CEP126: variants seen among roughly 807,000 people sequenced by gnomAD.
The protein encoded by CEP126 is centrosomal protein of 126 kDa.
In CEP126, 74 loss-of-function variants were observed where a neutral mutation model predicts 107.8. That is an observed-to-expected ratio of 0.69 (90% confidence interval 0.57 to 0.83). The LOEUF (loss-of-function observed/expected upper bound fraction) is 0.83, where lower values mean the gene tolerates loss of function less well. Ranked by LOEUF, CEP126 falls within the 40% of genes least tolerant of loss-of-function variation. CEP126 has a pLI of 0.00. For missense variants in CEP126, 1,237 were observed against 1,281.9 expected (o/e 0.96, Z 0.53); for synonymous variants, 449 against 446.0 (o/e 1.01, Z -0.08).
intron 7 of CEP126, among the ~76,000 whole-genome samples, chr11:101,979,270 T>G (rs1345198164): frequency 6.6e-6 from 1 of 152,100 alleles, no homozygotes; most frequent in Non-Finnish European, 1.5e-5. Context: ...CAAGGGAAAT[T>G]GATAATGATG....
chr11:101,998,952 A>G lies in CEP126; in HGVS notation c.*1309A>G, dbSNP rs1209684422. Reference sequence around the variant, plus strand: ...TTTCTGCCACACCATGTTAGTAGAAATGGAAACTATTGGATGAAATGAGGA... The same window carrying G: ...TTTCTGCCACACCATGTTAGTAGAAGTGGAAACTATTGGATGAAATGAGGA... On this transcript the variant is annotated 3_prime_UTR_variant, in exon 11 of 11. Transcript: ENST00000263468. The G allele has an allele frequency of 6.6e-6, 1 of 152,194 alleles. No individual in the cohort carries two copies. Among genetic ancestry groups the G allele is most frequent in the African/African-American group, 2.4e-5 (1 of 41,448 alleles). 9.4% of individuals were successfully genotyped at this position (152,194 alleles called of 1,614,324 possible).
At chr11:101,919,883 A>G (rs2137076600) in intron 1 of CEP126, among the ~76,000 whole-genome samples, 1 of 152,300 alleles carries the variant, frequency 6.6e-6, no homozygotes, top group Admixed American at 6.5e-5. Flanking sequence ...GTGCACCCTG[A>G]AAGGAAGTTG....
intron 10 of CEP126, among the ~76,000 whole-genome samples, chr11:101,996,803 C>T (rs139555646): frequency 1.6e-4 from 25 of 152,038 alleles, no homozygotes; most frequent in African/African-American, 4.8e-4. Context: ...GCTAATGTTC[C>T]CATAGGTTTC....
At position 101,963,796 on chromosome 11, in the gene CEP126, G is replaced by A. The variant is rs1336103714; in HGVS notation, c.2761G>A (p.Val921Met). ...SPVCEESYPS[V>M]TLRTAEEESV... ...TGTTTGTGAAGAAAGTTATCCGTCTGTGACTCTAAGAACTGCTGAAGAAGA... is the reference window on the plus strand; with the variant it reads ...TGTTTGTGAAGAAAGTTATCCGTCTATGACTCTAAGAACTGCTGAAGAAGA... The change falls in exon 6 of 11, where the codon GTG (valine) becomes ATG (methionine). Residue 921 changes from valine to methionine, a missense_variant. Physicochemically the swap from Val to Met is conservative, Grantham distance 21. Transcript: ENST00000263468. The A allele has an allele frequency of 6.2e-7, 1 of 1,614,018 alleles. No individual in the cohort carries two copies. Among genetic ancestry groups the A allele is most frequent in the Non-Finnish European group, 8.5e-7 (1 of 1,180,014 alleles).
chr11:101,985,897 C>T (rs1328034652), intron 8 of CEP126, among the ~76,000 whole-genome samples: 1 of 151,174 alleles, frequency 6.6e-6, no homozygotes, highest in Admixed American at 6.6e-5. Context: ...TCATTTTCTT[C>T]TGCTTTAATT....
chr11:101,926,180 C>T (rs1429093166), intron 2 of CEP126, among the ~76,000 whole-genome samples: 1 of 152,082 alleles, frequency 6.6e-6, no homozygotes, highest in East Asian at 1.9e-4. Context: ...ACTACAATAG[C>T]ATCACTTACG....
intron 2 of CEP126, among the ~76,000 whole-genome samples, chr11:101,928,326 T>C (rs1431518058): frequency 6.6e-6 from 1 of 152,206 alleles, no homozygotes; most frequent in East Asian, 1.9e-4. Context: ...TTTTCCATCT[T>C]CTTCATAGAG....
intron 6 of CEP126, among the ~76,000 whole-genome samples, chr11:101,972,283 G>C (rs141888770): frequency 6.6e-6 from 1 of 151,526 alleles, no homozygotes; most frequent in Non-Finnish European, 1.5e-5. Context: ...AAAATTAGCC[G>C]GGCGTGGTAG....
rs1940922250 is a variant in CEP126 at position 101,958,034 on chromosome 11, A to G, written c.507-134A>G. 6.7e-6 allele frequency: 5 copies of G among 741,228 alleles called. No individual in the cohort carries two copies. In the Admixed American group the frequency reaches 9.5e-5, roughly 14 times the overall value. 45.9% of individuals were successfully genotyped at this position (741,228 alleles called of 1,614,324 possible). On this transcript the variant is annotated intron_variant, in intron 4 of 10. Coordinates refer to ENST00000263468, the MANE Select transcript of CEP126 (RefSeq NM_020802.4). ...AATTCTCATTCTAACATGTCTATAT[A>G]TTTCTCCAATATCCTTATATGTGGT...
chr11:101,978,664 G>T (rs1324439542), intron 7 of CEP126, among the ~76,000 whole-genome samples: 1 of 152,110 alleles, frequency 6.6e-6, no homozygotes, highest in Non-Finnish European at 1.5e-5. Flanking sequence ...TGTATAATCA[G>T]TTACTAATGA....
chr11:101,955,922 C>T (rs951454664), intron 4 of CEP126: 12 of 456,282 alleles, frequency 2.6e-5, no homozygotes, highest in African/African-American at 8.0e-5. Context: ...TTCTCCTGCC[C>T]GCCAGCCCCA....
intron 2 of CEP126, among the ~76,000 whole-genome samples, chr11:101,942,055 G>A (rs1242190142): frequency 6.6e-6 from 1 of 151,948 alleles, no homozygotes; most frequent in Non-Finnish European, 1.5e-5. Flanking sequence ...ATATGTGATT[G>A]GAAATATTTT....
intron 4 of CEP126, chr11:101,956,564 T>C: frequency 2.2e-6 from 1 of 456,476 alleles, no homozygotes; most frequent in Non-Finnish European, 4.4e-6. Context: ...CACATCCTTT[T>C]CTTCAGCCTG....
intron 2 of CEP126, among the ~76,000 whole-genome samples, chr11:101,939,635 A>T (rs954781859): frequency 6.6e-6 from 1 of 152,238 alleles, no homozygotes; most frequent in Non-Finnish European, 1.5e-5. Context: ...TTGTTAATTC[A>T]TGTTGCCTGT....
intron 8 of CEP126, among the ~76,000 whole-genome samples, chr11:101,985,988 ATTTC>A (rs1351115479): frequency 5.5e-5 from 7 of 126,480 alleles, no homozygotes; most frequent in Admixed American, 1.7e-4. Flanking sequence ...CTCTGAATTG[ATTTC>A]TTTTTTTTTT....
intron 4 of CEP126, among the ~76,000 whole-genome samples, chr11:101,957,883 C>A (rs1940920263): frequency 2.0e-5 from 3 of 152,134 alleles, no homozygotes; most frequent in South Asian, 2.1e-4. Context: ...ACCCTTATCC[C>A]AGATTATAGA....
intron 9 of CEP126, among the ~76,000 whole-genome samples, chr11:101,989,755 T>C (rs1042030632): frequency 7.2e-5 from 11 of 152,018 alleles, no homozygotes; most frequent in Non-Finnish European, 1.3e-4. Context: ...GCCAGGAGAT[T>C]GAGACCATCC....
intron 4 of CEP126, among the ~76,000 whole-genome samples, chr11:101,952,608 A>G (rs962278675): frequency 3.9e-5 from 6 of 152,232 alleles, no homozygotes; most frequent in African/African-American, 1.4e-4. Flanking sequence ...TTAAGAGGGT[A>G]GATCTCATGT....
chr11:101,957,220 G>A (rs1290857013), intron 4 of CEP126, among the ~76,000 whole-genome samples: 1 of 152,084 alleles, frequency 6.6e-6, no homozygotes, highest in Non-Finnish European at 1.5e-5. Context: ...TAGGGAATAG[G>A]TATATATCAC....
Sources: gnomAD v4.1 joint callset for allele counts (sites outside exome capture counted in the v4.1 genomes callset) on GRCh38, gnomAD v4.1.1 for gene constraint, MANE v1.5 for transcripts, NCBI Gene and HGNC (gene_info 2026-07-23, HGNC 2026-07-21) for gene names.